Variants in TMEM132B observed in about 807,000 individuals in gnomAD.
The protein encoded by TMEM132B is transmembrane protein 132B.
A neutral mutation model predicts 90.8 loss-of-function variants in TMEM132B; 18 were observed. The observed-to-expected ratio is 0.20, with a 90% confidence interval of 0.14 to 0.29. The LOEUF (loss-of-function observed/expected upper bound fraction) is 0.29, where lower values mean the gene tolerates loss of function less well. Ranked by LOEUF, TMEM132B falls within the 10% of genes least tolerant of loss-of-function variation. The probability of loss-of-function intolerance (pLI) is 1.00; values close to 1 mark genes in which losing one functional copy is unlikely to be tolerated. For synonymous variants in TMEM132B, 504 were observed against 523.3 expected (o/e 0.96, Z 0.50); for missense variants, 1,096 against 1,326.8 (o/e 0.83, Z 2.70).
chr12:125,243,839 A>G (rs890114617), intron 1 of TMEM132B, among the ~76,000 whole-genome samples: 1 of 152,178 alleles, frequency 6.6e-6, no homozygotes, highest in African/African-American at 2.4e-5. Flanking sequence ...ACCTGAACGA[A>G]TGCAGACCTG....
intron 5 of TMEM132B, among the ~76,000 whole-genome samples, chr12:125,641,906 A>G (rs531750398): frequency 6.6e-5 from 10 of 152,372 alleles, no homozygotes; most frequent in Non-Finnish European, 1.5e-4. Context: ...AAGTTCTGGC[A>G]ATAGGTGATA....
At chr12:125,447,321 T>G (rs1438681352) in intron 3 of TMEM132B, among the ~76,000 whole-genome samples, 1 of 152,182 alleles carries the variant, frequency 6.6e-6, no homozygotes, top group Non-Finnish European at 1.5e-5. Context: ...AATAATTAAA[T>G]AATTAAAAAA....
intron 1 of TMEM132B, among the ~76,000 whole-genome samples, chr12:125,233,756 C>T (rs1156419377): frequency 6.6e-6 from 1 of 152,180 alleles, no homozygotes; most frequent in Non-Finnish European, 1.5e-5. Context: ...TTTGATTGGG[C>T]TCGTGGATGC....
intron 1 of TMEM132B, among the ~76,000 whole-genome samples, chr12:125,266,275 G>T (rs573785465): frequency 6.6e-6 from 1 of 152,270 alleles, no homozygotes; most frequent in South Asian, 2.1e-4. Flanking sequence ...AGAAGAATAT[G>T]CAGCAAAGAC....
chr12:125,516,487 A>T (rs1859455), intron 3 of TMEM132B, among the ~76,000 whole-genome samples: 1 of 152,036 alleles, frequency 6.6e-6, no homozygotes, highest in Admixed American at 6.5e-5. Context: ...TACATAAAAG[A>T]AGCTCTGCCT....
At chr12:125,287,382 T>C (rs1005349417) in intron 1 of TMEM132B, among the ~76,000 whole-genome samples, 1 of 152,208 alleles carries the variant, frequency 6.6e-6, no homozygotes, top group Non-Finnish European at 1.5e-5. Context: ...GACGTGGGCA[T>C]CTTTTGGGGG....
chr12:125,208,976 C>G (rs929637845), intron 1 of TMEM132B, among the ~76,000 whole-genome samples: 10 of 152,176 alleles, frequency 6.6e-5, no homozygotes, highest in African/African-American at 2.4e-4. Context: ...TGTGTCCCCT[C>G]TGAGTGCTGC....
chr12:125,359,489 A>G (rs1439430790), intron 2 of TMEM132B, among the ~76,000 whole-genome samples: 1 of 152,196 alleles, frequency 6.6e-6, no homozygotes, highest in Non-Finnish European at 1.5e-5. Flanking sequence ...AGTAAAAAAA[A>G]AGATATGATC....
chr12:125,429,324 T>C (rs1466339439), intron 3 of TMEM132B, among the ~76,000 whole-genome samples: 1 of 151,976 alleles, frequency 6.6e-6, no homozygotes, highest in Non-Finnish European at 1.5e-5. Flanking sequence ...CTCAGCTTCC[T>C]AAGTCGCTGG....
intron 1 of TMEM132B, among the ~76,000 whole-genome samples, chr12:125,231,950 A>G (rs1873835799): frequency 6.6e-6 from 1 of 152,068 alleles, no homozygotes; most frequent in South Asian, 2.1e-4. Context: ...CTAGAAAAAT[A>G]TATGCACAAA....
chr12:125,382,289 C>T (rs1479373752), intron 2 of TMEM132B, among the ~76,000 whole-genome samples: 1 of 152,158 alleles, frequency 6.6e-6, no homozygotes, highest in Non-Finnish European at 1.5e-5. Context: ...TGTGATTTCT[C>T]AGTGCAGTCA....
chr12:125,342,288 T>G (rs1877207834), intron 1 of TMEM132B, among the ~76,000 whole-genome samples: 1 of 152,216 alleles, frequency 6.6e-6, no homozygotes, highest in Non-Finnish European at 1.5e-5. Context: ...TGTACGGGGA[T>G]GGTTAGCAGT....
chr12:125,225,146 A>G (rs895512554), intron 1 of TMEM132B, among the ~76,000 whole-genome samples: 1 of 152,250 alleles, frequency 6.6e-6, no homozygotes, highest in African/African-American at 2.4e-5. Context: ...TCCCAAATCA[A>G]TCAGCTGAGG....
At chr12:125,604,572 C>T (rs551101366) in intron 5 of TMEM132B, among the ~76,000 whole-genome samples, 23 of 152,238 alleles carry the variant, frequency 1.5e-4, no homozygotes, top group African/African-American at 5.3e-4. Context: ...ATGTAACAAA[C>T]CTGCACGTTC....
chr12:125,233,682 A>G (rs554135032), intron 1 of TMEM132B, among the ~76,000 whole-genome samples: 97 of 152,346 alleles, frequency 6.4e-4, no homozygotes, highest in Non-Finnish European at 1.1e-3. Flanking sequence ...TTCTAGGACC[A>G]GGATTTGGCC....
At chr12:125,192,398 G>A (rs1872819436) in intron 1 of TMEM132B, among the ~76,000 whole-genome samples, 1 of 152,186 alleles carries the variant, frequency 6.6e-6, no homozygotes, top group African/African-American at 2.4e-5. Flanking sequence ...TTGCACCCAA[G>A]GGATTAAGGG....
chr12:125,327,206 T>C (rs891399829), intron 1 of TMEM132B, among the ~76,000 whole-genome samples: 1 of 152,138 alleles, frequency 6.6e-6, no homozygotes, highest in South Asian at 2.1e-4. Context: ...TCCTTCTAGC[T>C]CACAGGTCTC....
chr12:125,406,585 G>A lies in TMEM132B; in HGVS notation c.960-8946G>A, dbSNP rs576833785. Among the ~76,000 whole-genome samples, 2 of 152,306 alleles carry A rather than the reference G, an allele frequency of 1.3e-5. No homozygotes were observed. Among genetic ancestry groups the A allele is most frequent in the South Asian group, 2.1e-4 (1 of 4,830 alleles). On this transcript the variant is annotated intron_variant, in intron 2 of 8. Coordinates refer to ENST00000682704, the MANE Select transcript of TMEM132B (RefSeq NM_001366854.1). This position sits in a 1 kb window ranked among gnomAD's most constrained non-coding sequence, Gnocchi z 8.3. ...GAAACTCAAGAAATCCTCTTTAAAC[G>A]TCGGAGGACTGGGTGGATGATATGG... is the stretch of plus-strand genomic sequence containing the variant.
chr12:125,273,876 C>G lies in TMEM132B; in HGVS notation c.68-75576C>G, dbSNP rs1874915809. Among the ~76,000 whole-genome samples, 3 of 152,158 alleles carry G rather than the reference C, an allele frequency of 2.0e-5. No individual in the cohort carries two copies. In the South Asian group the frequency reaches 6.2e-4, roughly 32 times the overall value. On this transcript the variant is annotated intron_variant, in intron 1 of 8. Coordinates refer to ENST00000682704, the MANE Select transcript of TMEM132B (RefSeq NM_001366854.1). ...ATGGGGTTTCACCATGTTGGTCAGT[C>G]TGGTCTTGAACTTCTGACCTCAGGT...
Sources: allele counts gnomAD v4.1 joint callset (sites outside exome capture counted in the v4.1 genomes callset), GRCh38; gene constraint gnomAD v4.1.1; non-coding constraint Gnocchi (gnomAD v3.1); transcripts MANE v1.5; gene names NCBI Gene and HGNC (gene_info 2026-07-23, HGNC 2026-07-21).